MYSM1: variants seen among roughly 807,000 people sequenced by gnomAD.
MYSM1 encodes the protein deubiquitinase MYSM1.
Under a neutral mutation model 116.0 loss-of-function variants are expected in MYSM1, and 51 were observed. The ratio of observed to expected loss-of-function variants is 0.44; its 90% CI spans 0.35 to 0.56. The LOEUF (loss-of-function observed/expected upper bound fraction) is 0.56, where lower values mean the gene tolerates loss of function less well. Among genes scored for constraint, MYSM1 ranks in the 20% least tolerant of loss-of-function variants. The pLI is 0.00. For missense variants in MYSM1, 900 were observed against 974.9 expected (o/e 0.92, Z 1.02); for synonymous variants, 313 against 315.2 (o/e 0.99, Z 0.07).
chr1:58,656,495 A>C lies in MYSM1; in HGVS notation c.*3502T>G, dbSNP rs1376393334. ...AGTGTGGCACGAGTTTCAAAACTAC[A>C]GATTAGGGACTGACCAAAACAAAAA... On this transcript the variant is annotated 3_prime_UTR_variant, in exon 20 of 20. Coordinates refer to ENST00000472487, the MANE Select transcript of MYSM1 (RefSeq NM_001085487.3). The C allele has an allele frequency of 6.6e-6, 1 of 152,142 alleles. No individual in the cohort carries two copies. Among genetic ancestry groups the C allele is most frequent in the Non-Finnish European group, 1.5e-5 (1 of 67,970 alleles). 9.4% of individuals were successfully genotyped at this position (152,142 alleles called of 1,614,324 possible).
intron 5 of MYSM1, among the ~76,000 whole-genome samples, chr1:58,689,901 T>G (rs1313138172): frequency 6.6e-6 from 1 of 152,192 alleles, no homozygotes; most frequent in Non-Finnish European, 1.5e-5. Context: ...TAAGTGAAAA[T>G]TAACTGACAG....
At position 58,660,091 on chromosome 1, in the gene MYSM1, A is replaced by G; in HGVS notation, c.2393T>C (p.Leu798Ser). 1 of 1,611,498 alleles carries G rather than the reference A, an allele frequency of 6.2e-7. No individual in the cohort carries two copies. The highest frequency in any genetic ancestry group is 8.5e-7 in the Non-Finnish European group (1 of 1,178,538). ...VTNCFMAEEF[L>S]TEIENLFLSN... ...AAGGAACAAATTTTCTATTTCAGTC[A>G]AGAATTCTTCAGCCATAAAGCAATT... The change falls in exon 20 of 20, where the codon TTG becomes TCG. Residue 798 changes from leucine (L) to serine (S), a missense_variant. Coordinates refer to ENST00000472487, the MANE Select transcript of MYSM1 (RefSeq NM_001085487.3).
In MYSM1 at chr1:58,691,005, C is replaced by T. The variant is rs150984233; in HGVS notation, c.219-588G>A. ...TTAGAACTAGCCTGATGAGGCCAGG[C>T]GCGGTGGCTCACACCTGTAATCCCA... is the stretch of plus-strand genomic sequence containing the variant. On this transcript the variant is annotated intron_variant, in intron 3 of 19. Coordinates refer to ENST00000472487, the MANE Select transcript of MYSM1 (RefSeq NM_001085487.3). Among the ~76,000 whole-genome samples the T allele has an allele frequency of 4.8e-4, 73 of 152,178 alleles. No homozygotes were observed. In the East Asian group the frequency reaches 0.012, roughly 24 times the overall value.
rs144527074 is a variant in MYSM1 at position 58,656,466 on chromosome 1, T to C, written c.*3531A>G. On this transcript the variant is annotated 3_prime_UTR_variant, in exon 20 of 20. Transcript: ENST00000472487. ...AAGAAAGGTAGTAGGATGTTTCCCT[T>C]TCAAGTGTGGCACGAGTTTCAAAAC... is the stretch of plus-strand genomic sequence containing the variant. 41 of 152,312 alleles carry C rather than the reference T, an allele frequency of 2.7e-4. No homozygotes were observed. The highest frequency in any genetic ancestry group is 9.6e-4 in the African/African-American group (40 of 41,566). 9.4% of individuals were successfully genotyped at this position (152,312 alleles called of 1,614,324 possible).
intron 19 of MYSM1, 31 bp downstream of exon 19, chr1:58,661,113 GATGAATAGCTTCAGAATCTGTGAACA>G: frequency 7.8e-7 from 1 of 1,282,674 alleles, no homozygotes; most frequent in Non-Finnish European, 1.1e-6. Flanking sequence ...AACACATTGA[GATGAATAGCTTCAGAATCTGTGAACA>G]ATGGAACCAA....
In MYSM1 at chr1:58,682,537, G is replaced by A. The variant is rs778858594; in HGVS notation, c.507C>T (p.Cys169=). 2.0e-5 allele frequency: 32 copies of A among 1,566,470 alleles called. No individual in the cohort carries two copies. Among genetic ancestry groups the A allele is most frequent in the African/African-American group, 6.9e-5 (5 of 72,334 alleles). The change falls in exon 8 of 20, where the codon TGC becomes TGT. Residue 169 remains cysteine, a synonymous_variant. Transcript: ENST00000472487. ...GATTTGGTGTTTCTTTATCCAGACC[G>A]CATTTGACCTTATTAAAAATCAAAA... ...ARQYFKNKVK[C]GLDKETPNQK...
At chr1:58,693,987 T>C (rs567696660) in intron 2 of MYSM1, among the ~76,000 whole-genome samples, 4 of 152,302 alleles carry the variant, frequency 2.6e-5, no homozygotes, top group African/African-American at 9.6e-5. Context: ...TTCTAGACAC[T>C]GGCCTTCAAC....
chr1:58,668,974 T>G lies in MYSM1; in HGVS notation c.1716+10A>C. On this transcript the variant is annotated intron_variant, in intron 13 of 19. Transcript: ENST00000472487. ...TTGTCTACTGTCATTCATTAATGCA[T>G]AAATAGTACCTGCTTTTCTTCACTA... 1 of 1,595,650 alleles carries G rather than the reference T, an allele frequency of 6.3e-7. No homozygotes were observed. The highest frequency in any genetic ancestry group is 1.1e-5 in the South Asian group (1 of 88,072).
Position 58,656,859 on chromosome 1 carries a change from CTG to C in MYSM1, c.*3136_*3137del, listed in dbSNP as rs1644325276. Reference sequence around the variant, plus strand: ...TTTTTTTTAGCCTCATAAGAAAAAACTGAACTTCTAAACAAAATGTTTTAATC... The same window carrying C: ...TTTTTTTTAGCCTCATAAGAAAAAACAACTTCTAAACAAAATGTTTTAATC... On this transcript the variant is annotated 3_prime_UTR_variant, in exon 20 of 20. Coordinates refer to ENST00000472487, the MANE Select transcript of MYSM1 (RefSeq NM_001085487.3). 1 of 152,144 alleles carries C rather than the reference CTG, an allele frequency of 6.6e-6. No homozygotes were observed. Among genetic ancestry groups the C allele is most frequent in the Non-Finnish European group, 1.5e-5 (1 of 68,028 alleles). The allele number at this position is 152,144 out of a possible 1,614,324, so 9.4% of individuals were successfully genotyped here. A position where few individuals can be genotyped will look rare whatever the true frequency, so the allele number is the denominator to read the frequency against.
intron 6 of MYSM1, 133 bp downstream of exon 6, chr1:58,688,905 C>T: frequency 2.8e-6 from 2 of 714,540 alleles, no homozygotes; most frequent in Non-Finnish European, 4.5e-6. Flanking sequence ...ACTCTAACTA[C>T]AGAAGAACTA....
chr1:58,692,811 A>ATT (rs748442475), intron 3 of MYSM1, 50 bp downstream of exon 3: 44 of 1,478,156 alleles, frequency 3.0e-5, no homozygotes, highest in Non-Finnish European at 4.1e-5. Context: ...GCATTTATAG[A>ATT]TTTTTTTCAC....
chr1:58,673,554 T>C lies in MYSM1; in HGVS notation c.1572+19A>G, dbSNP rs774244353. The C allele has an allele frequency of 4.4e-6, 7 of 1,608,770 alleles. No homozygotes were observed. The highest frequency in any genetic ancestry group is 6.0e-6 in the Non-Finnish European group (7 of 1,175,338). On this transcript the variant is annotated intron_variant, in intron 11 of 19. Transcript: ENST00000472487. ...AAAACCAGTTTTCATGGATGAGCCATTTGAAAGGTCAAAGTTACCTCAAAC... is the reference window on the plus strand; with the variant it reads ...AAAACCAGTTTTCATGGATGAGCCACTTGAAAGGTCAAAGTTACCTCAAAC...
In MYSM1 at chr1:58,671,890, T is replaced by C. The variant is rs1310348417; in HGVS notation, c.1641A>G (p.Lys547=). The C allele has an allele frequency of 1.2e-6, 2 of 1,613,428 alleles. No individual in the cohort carries two copies. The highest frequency in any genetic ancestry group is 1.7e-6 in the Non-Finnish European group (2 of 1,179,656). The change falls in exon 12 of 20, where the codon AAA becomes AAG. Residue 547 remains lysine, a synonymous_variant. Coordinates refer to ENST00000472487, the MANE Select transcript of MYSM1 (RefSeq NM_001085487.3). Reference sequence around the variant, plus strand: ...TACACCTTTTTGTTGGTCTTGGCACTTTTAAAGATTTAACAGGTCTGCCTT... The same window carrying C: ...TACACCTTTTTGTTGGTCTTGGCACCTTTAAAGATTTAACAGGTCTGCCTT... The part of the protein sequence containing the change: ...EEKGRPVKSL[K]VPRPTKSSFD...
At chr1:58,680,051 GT>G (rs1398961305) in intron 8 of MYSM1, among the ~76,000 whole-genome samples, 14 of 143,634 alleles carry the variant, frequency 9.7e-5, no homozygotes, top group Admixed American at 8.3e-4. Context: ...AAAAAAAAAG[GT>G]TGTGAGCCAC....
chr1:58,665,687 AT>A (rs765052704), intron 16 of MYSM1, 56 bp from the exon 17 acceptor site: 82 of 1,183,128 alleles, frequency 6.9e-5, no homozygotes, highest in Admixed American at 1.1e-4. Context: ...AAAAGCCAAT[AT>A]TTATCCATAC....
rs765168255 is a variant in MYSM1 at position 58,660,100 on chromosome 1, T to C, written c.2384A>G (p.Glu795Gly). The part of the protein sequence containing the change: ...LSKVTNCFMA[E>G]EFLTEIENLF... ...ATTTTCTATTTCAGTCAAGAATTCTTCAGCCATAAAGCAATTGGTCACTTT... is the reference window on the plus strand; with the variant it reads ...ATTTTCTATTTCAGTCAAGAATTCTCCAGCCATAAAGCAATTGGTCACTTT... The change falls in exon 20 of 20, where the codon GAA becomes GGA. Residue 795 changes from glutamate to glycine, a missense_variant. Around this residue, in one of 3 missense-constraint regions of MYSM1, gnomAD observed 186 missense variants for 196.2 expected, o/e 0.95. Transcript: ENST00000472487. 6.2e-7 allele frequency: 1 copy of C among 1,611,372 alleles called. No homozygotes were observed. The highest frequency in any genetic ancestry group is 8.5e-7 in the Non-Finnish European group (1 of 1,178,600).
intron 2 of MYSM1, among the ~76,000 whole-genome samples, chr1:58,694,659 G>A (rs116528885): frequency 4.6e-5 from 7 of 151,666 alleles, no homozygotes; most frequent in African/African-American, 9.7e-5. Flanking sequence ...AATAAGCCCT[G>A]TGACAATCCC....
intron 7 of MYSM1, among the ~76,000 whole-genome samples, chr1:58,684,810 C>T (rs1422308000): frequency 6.6e-6 from 1 of 151,982 alleles, no homozygotes; most frequent in African/African-American, 2.4e-5. Flanking sequence ...GTTTCTACAA[C>T]ACAAATATTT....
intron 3 of MYSM1, 115 bp downstream of exon 3, chr1:58,692,746 G>T: frequency 1.6e-6 from 1 of 623,804 alleles, no homozygotes; most frequent in East Asian, 2.9e-5. Context: ...TTATATAATA[G>T]CAGTCTGGTG....
Sources: allele counts gnomAD v4.1 joint callset (sites outside exome capture counted in the v4.1 genomes callset), GRCh38; gene constraint gnomAD v4.1.1; regional missense constraint gnomAD v4.1.1; transcripts MANE v1.5; gene names NCBI Gene and HGNC (gene_info 2026-07-23, HGNC 2026-07-21).